The following GLYATL3 variants were observed in gnomAD, a reference collection of about 807,000 sequenced individuals.
The protein encoded by GLYATL3 is glycine N-acyltransferase-like protein 3.
Under a neutral mutation model 28.5 loss-of-function variants are expected in GLYATL3, and 31 were observed. That is an observed-to-expected ratio of 1.09 (90% CI 0.82 to 1.47). The LOEUF is 1.47. GLYATL3 is among the 40% of genes most tolerant of loss of function. The pLI is 0.00. For synonymous variants in GLYATL3, 141 were observed against 140.2 expected, an observed-to-expected ratio of 1.01 and a Z score of -0.04; for missense variants, 369 against 351.5, an observed-to-expected ratio of 1.05 and a Z score of -0.40.
intron 5 of GLYATL3, 35 bp from the exon 6 acceptor site, chr6:49,526,453 G>T: frequency 6.6e-7 from 1 of 1,521,674 alleles, no homozygotes. Flanking sequence ...ACATGAGTCT[G>T]AGGTCCTATT....
chr6:49,525,385 G>A (rs947331113), intron 5 of GLYATL3, among the ~76,000 whole-genome samples: 4 of 151,690 alleles, frequency 2.6e-5, no homozygotes, highest in African/African-American at 9.7e-5. Flanking sequence ...AGCCAAAATG[G>A]TGAAACCTTG....
At chr6:49,524,580 C>T (rs1338894105) in intron 5 of GLYATL3, among the ~76,000 whole-genome samples, 2 of 152,064 alleles carry the variant, frequency 1.3e-5, no homozygotes, top group East Asian at 1.9e-4. Context: ...ACTTTCATAC[C>T]ATTAGAATAA....
At position 49,526,903 on chromosome 6, in the gene GLYATL3, C is replaced by A; in HGVS notation, c.856C>A (p.Pro286Thr). The change falls in exon 6 of 6, where the codon CCT (proline) becomes ACT (threonine). Residue 286 changes from proline (P) to threonine (T), a missense_variant. By Grantham distance (38) the Pro-to-Thr change is conservative (BLOSUM62 -1). Transcript: ENST00000371197. The part of the protein sequence containing the change: ...ILTPATFSGL[P>T]HL ...CACCCCTGCGACTTTCTCTGGCCTGCCTCACCTCTAGCCCAGTAAAAAACT... is the reference window on the plus strand; with the variant it reads ...CACCCCTGCGACTTTCTCTGGCCTGACTCACCTCTAGCCCAGTAAAAAACT... 1 of 1,530,360 alleles carries A rather than the reference C, an allele frequency of 6.5e-7. No individual in the cohort carries two copies. Among genetic ancestry groups the A allele is most frequent in the Non-Finnish European group, 8.8e-7 (1 of 1,134,722 alleles). 94.8% of individuals were successfully genotyped at this position (1,530,360 alleles called of 1,614,324 possible). A position where few individuals can be genotyped will look rare whatever the true frequency, so the allele number is the denominator to read the frequency against.
At chr6:49,520,311 AAC>A (rs1236747582) in intron 4 of GLYATL3, among the ~76,000 whole-genome samples, 3 of 152,246 alleles carry the variant, frequency 2.0e-5, no homozygotes, top group African/African-American at 4.8e-5. Context: ...TGTGTTTAAG[AAC>A]ACACACTTGA....
At chr6:49,508,627 T>A (rs1286531344) in intron 1 of GLYATL3, among the ~76,000 whole-genome samples, 1 of 152,158 alleles carries the variant, frequency 6.6e-6, no homozygotes, top group Non-Finnish European at 1.5e-5. Flanking sequence ...AATATCTGCT[T>A]TTCTGGGATA....
chr6:49,511,814 G>T (rs1025409337), intron 1 of GLYATL3, 149 bp from the exon 2 acceptor site: 3 of 479,316 alleles, frequency 6.3e-6, no homozygotes, highest in Non-Finnish European at 1.1e-5. Context: ...ACCCATCCCA[G>T]TGCCTCCCCA....
chr6:49,507,197 GCAGTT>G (rs1371006583), intron 1 of GLYATL3, among the ~76,000 whole-genome samples: 1 of 152,118 alleles, frequency 6.6e-6, no homozygotes, highest in Non-Finnish European at 1.5e-5. Flanking sequence ...GGTAAAGGGA[GCAGTT>G]CATCATCCAC....
chr6:49,510,466 A>C (rs952740161), intron 1 of GLYATL3, among the ~76,000 whole-genome samples: 1 of 152,230 alleles, frequency 6.6e-6, no homozygotes, highest in Non-Finnish European at 1.5e-5. Context: ...AGGCATAAAA[A>C]GATCTCTAGA....
intron 1 of GLYATL3, among the ~76,000 whole-genome samples, chr6:49,503,748 A>C (rs987002224): frequency 6.6e-6 from 1 of 152,206 alleles, no homozygotes; most frequent in South Asian, 2.1e-4. Flanking sequence ...TCAGAGATTC[A>C]TGTTTTGATC....
chr6:49,505,628 C>A (rs972213268), intron 1 of GLYATL3, among the ~76,000 whole-genome samples: 1 of 152,176 alleles, frequency 6.6e-6, no homozygotes, highest in South Asian at 2.1e-4. Flanking sequence ...ACGAAGTCAG[C>A]CAGATTAGTC....
At chr6:49,523,385 A>G (rs1423840774) in intron 5 of GLYATL3, among the ~76,000 whole-genome samples, 2 of 152,248 alleles carry the variant, frequency 1.3e-5, no homozygotes, top group Non-Finnish European at 2.9e-5. Context: ...GAAACTTATT[A>G]TTAGACACTC....
intron 5 of GLYATL3, among the ~76,000 whole-genome samples, chr6:49,523,435 C>T (rs184781595): frequency 1.3e-5 from 2 of 152,304 alleles, no homozygotes; most frequent in African/African-American, 4.8e-5. Context: ...CTGCCTAGCA[C>T]AGACTGATTT....
Position 49,517,538 on chromosome 6 carries a change from C to T in GLYATL3, c.295C>T (p.Gln99Ter), listed in dbSNP as rs866848413. The T allele has an allele frequency of 6.4e-7, 1 of 1,550,416 alleles. No individual in the cohort carries two copies. Among genetic ancestry groups the T allele is most frequent in the Middle Eastern group, 1.7e-4 (1 of 5,986 alleles). ...AGAATGTGATGTTTTTAACTGGGAC[C>T]AAGTTTTTCAAATACAAGGTGAGGT... ...LEECDVFNWD[Q>*]VFQIQGLQSE... The change falls in exon 4 of 6, where the codon CAA (glutamine) becomes TAA (stop). Residue 99 changes from glutamine to a stop codon, truncating the protein, a stop_gained. Transcript: ENST00000371197. LOFTEE classifies it high-confidence loss of function.
intron 3 of GLYATL3, among the ~76,000 whole-genome samples, chr6:49,516,982 C>G (rs1018488410): frequency 1.3e-5 from 2 of 150,768 alleles, no homozygotes; most frequent in East Asian, 4.1e-4. Context: ...ACGGTGAAAC[C>G]CCATCTCTAC....
chr6:49,503,269 G>A (rs1050178716), intron 1 of GLYATL3, among the ~76,000 whole-genome samples: 1 of 152,148 alleles, frequency 6.6e-6, no homozygotes, highest in African/African-American at 2.4e-5. Context: ...AAATAGTAGT[G>A]TAAATCAATC....
intron 4 of GLYATL3, among the ~76,000 whole-genome samples, chr6:49,517,772 G>T (rs1314135233): frequency 6.6e-6 from 1 of 152,118 alleles, no homozygotes; most frequent in Non-Finnish European, 1.5e-5. Flanking sequence ...GGCATGCATG[G>T]CCTTCAGGGT....
rs1214265598 is a variant in GLYATL3, at chr6:49,527,638, T to TA, written c.*725dup. ...CTTATTTGCCTTGGATGAATGACAA[T>TA]ATGGGCATTTTGATGCTATAAACAA... On this transcript the variant is annotated 3_prime_UTR_variant, in exon 6 of 6. Transcript: ENST00000371197. Among the ~76,000 whole-genome samples, 1 of 152,174 alleles carries TA rather than the reference T, an allele frequency of 6.6e-6. No individual in the cohort carries two copies. The highest frequency in any genetic ancestry group is 1.9e-4 in the East Asian group (1 of 5,190).
chr6:49,505,069 G>T (rs1306644718), intron 1 of GLYATL3, among the ~76,000 whole-genome samples: 2 of 152,164 alleles, frequency 1.3e-5, no homozygotes, highest in African/African-American at 4.8e-5. Context: ...CCAACTGAGA[G>T]AATATTTATG....
chr6:49,504,480 T>C (rs560689257), intron 1 of GLYATL3, among the ~76,000 whole-genome samples: 30 of 152,298 alleles, frequency 2.0e-4, no homozygotes, highest in Non-Finnish European at 3.5e-4. Flanking sequence ...CTTCCCTTCC[T>C]TGGTTTACTG....
Sources: allele counts gnomAD v4.1 joint callset (sites outside exome capture counted in the v4.1 genomes callset), GRCh38; gene constraint gnomAD v4.1.1; transcripts MANE v1.5; gene names NCBI Gene and HGNC (gene_info 2026-07-23, HGNC 2026-07-21).